The following NTMT1 variants were observed in gnomAD, a reference collection of about 807,000 sequenced individuals.
NTMT1 encodes the protein N-terminal RCC1 methyltransferase.
A neutral mutation model predicts 17.5 loss-of-function variants in NTMT1; 8 were observed. That is an observed-to-expected ratio of 0.46 (90% CI 0.27 to 0.82). NTMT1 has a LOEUF of 0.82. Among genes scored for constraint, NTMT1 ranks in the 40% least tolerant of loss-of-function variants. The pLI is 0.15. For synonymous variants in NTMT1, 128 were observed against 126.8 expected, an observed-to-expected ratio of 1.01 and a Z score of -0.06; for missense variants, 221 against 303.5, an observed-to-expected ratio of 0.73 and a Z score of 2.02.
intron 1 of NTMT1, among the ~76,000 whole-genome samples, chr9:129,618,783 C>G (rs574878683): frequency 6.6e-6 from 1 of 152,222 alleles, no homozygotes; most frequent in African/African-American, 2.4e-5. Flanking sequence ...AGCTCCGCCT[C>G]CCGGGTTCAC....
intron 1 of NTMT1, among the ~76,000 whole-genome samples, chr9:129,617,262 G>A (rs1830438331): frequency 6.6e-6 from 1 of 152,178 alleles, no homozygotes; most frequent in Non-Finnish European, 1.5e-5. Flanking sequence ...AGCCTCCAAA[G>A]AGCCAAGCAG....
chr9:129,632,830 A>G lies in NTMT1; in HGVS notation c.127A>G (p.Asn43Asp). ...TGGCCACATCTCCAGCATCGACATC[A>G]ACAGCTCCCGGAAGTTTCTGCAGAG... is the stretch of plus-strand genomic sequence containing the variant. ...GYGHISSIDI[N>D]SSRKFLQRFL... The change falls in exon 2 of 4, where the codon AAC becomes GAC. Residue 43 changes from asparagine to aspartate, a missense_variant. Physicochemically the swap from Asn to Asp is conservative, Grantham distance 23. Transcript: ENST00000372483. 3 of 1,614,178 alleles carry G rather than the reference A, an allele frequency of 1.9e-6. No homozygotes were observed. The highest frequency in any genetic ancestry group is 2.5e-6 in the Non-Finnish European group (3 of 1,180,020).
chr9:129,633,915 G>A (rs1238965495), intron 2 of NTMT1, 139 bp from the exon 3 acceptor site: 6 of 952,678 alleles, frequency 6.3e-6, no homozygotes, highest in South Asian at 3.6e-5. Context: ...CTGGCAGCCA[G>A]CACAGACCTC....
chr9:129,630,575 G>C (rs368737588), intron 1 of NTMT1, among the ~76,000 whole-genome samples: 120 of 152,336 alleles, frequency 7.9e-4, no homozygotes, highest in African/African-American at 2.8e-3. Context: ...CCCCTAGAGT[G>C]TTCCTGGGTC....
chr9:129,618,473 T>G (rs1430092177), intron 1 of NTMT1, among the ~76,000 whole-genome samples: 1 of 152,078 alleles, frequency 6.6e-6, no homozygotes, highest in African/African-American at 2.4e-5. Flanking sequence ...AGGGTCTGAA[T>G]AGAACTGAAC....
chr9:129,631,865 T>G (rs944753086), intron 1 of NTMT1, among the ~76,000 whole-genome samples: 1 of 152,238 alleles, frequency 6.6e-6, no homozygotes, highest in East Asian at 1.9e-4. Context: ...GCTTCTCCTC[T>G]GCAGCCCTCC....
chr9:129,611,435 CT>C (rs1427527305), intron 1 of NTMT1, among the ~76,000 whole-genome samples: 1 of 152,252 alleles, frequency 6.6e-6, no homozygotes, highest in Non-Finnish European at 1.5e-5. Context: ...CATCCACCCC[CT>C]CATCCCCAGA....
chr9:129,610,195 GGA>G (rs1269671420), intron 1 of NTMT1, among the ~76,000 whole-genome samples: 3 of 126,086 alleles, frequency 2.4e-5, no homozygotes, highest in African/African-American at 9.0e-5. Context: ...GGAGGGGGGA[GGA>G]GGGGGGGAGG....
intron 2 of NTMT1, chr9:129,633,343 G>A: frequency 3.8e-6 from 1 of 260,682 alleles, no homozygotes; most frequent in Non-Finnish European, 7.2e-6. Flanking sequence ...GCTGCTGTTG[G>A]CCACCTGCTC....
upstream of NTMT1, among the ~76,000 whole-genome samples, chr9:129,623,598 G>A (rs141104378): frequency 3.2e-4 from 48 of 152,240 alleles, no homozygotes; most frequent in African/African-American, 1.1e-3. Context: ...ATGAAGAAAC[G>A]ACTTTGTAAT....
At position 129,620,156 on chromosome 9, in the gene NTMT1, C is replaced by T; in HGVS notation, c.-55+10978C>T. 6.8e-7 allele frequency: 1 copy of T among 1,462,330 alleles called. No individual in the cohort carries two copies. Among genetic ancestry groups the T allele is most frequent in the Non-Finnish European group, 9.1e-7 (1 of 1,102,856 alleles). 90.6% of individuals were successfully genotyped at this position (1,462,330 alleles called of 1,614,324 possible). A position where few individuals can be genotyped will look rare whatever the true frequency, so the allele number is the denominator to read the frequency against. On this transcript the variant is annotated intron_variant, in intron 1 of 3. Coordinates refer to the NTMT1 transcript ENST00000372486. This position sits in a 1 kb window ranked among gnomAD's most constrained non-coding sequence, Gnocchi z 5.8. The stretch of plus-strand genomic sequence containing the variant: ...GGGGAGGAGCTCTCCTAGGAAGGCG[C>T]CCAAGAAGTCGGGGTCCTCCCTGGC...
upstream of NTMT1, among the ~76,000 whole-genome samples, chr9:129,623,655 T>G (rs567032577): frequency 6.6e-6 from 1 of 152,136 alleles, no homozygotes; most frequent in Non-Finnish European, 1.5e-5. Flanking sequence ...CAAAGATATA[T>G]TCTATTTTCT....
At chr9:129,633,702 T>G (rs563093118) in intron 2 of NTMT1, 5 of 198,224 alleles carry the variant, frequency 2.5e-5, no homozygotes, top group South Asian at 1.4e-4. Flanking sequence ...GGCGCATGCC[T>G]GTAGTCCCAG....
At position 129,620,317 on chromosome 9, in the gene NTMT1, C is replaced by A. The variant is rs111606531; in HGVS notation, c.-55+11139C>A. Reference sequence around the variant, plus strand: ...CCCGCTTCCGCACGGCCCGCCGGGTCGCGGTGAGCAAGGCGGGCAGGCGCG... The same window carrying A: ...CCCGCTTCCGCACGGCCCGCCGGGTAGCGGTGAGCAAGGCGGGCAGGCGCG... On this transcript the variant is annotated intron_variant, in intron 1 of 3. Coordinates refer to the NTMT1 transcript ENST00000372486. The surrounding 1 kb of genome is among the most constrained non-coding windows in gnomAD (Gnocchi z 5.8). 222,144 of 1,239,580 alleles carry A rather than the reference C, an allele frequency of 0.18. 21,605 individuals carry two copies. Among genetic ancestry groups the A allele is most frequent in the East Asian group, 0.3 (9,243 of 31,218 alleles). 76.8% of individuals were successfully genotyped at this position (1,239,580 alleles called of 1,614,324 possible).
chr9:129,634,485 A>G (rs1831397986), intron 3 of NTMT1, 179 bp downstream of exon 3: 3 of 545,116 alleles, frequency 5.5e-6, no homozygotes, highest in Non-Finnish European at 8.7e-6. Context: ...GGCTCGGCCT[A>G]AAAGGTAGAT....
At chr9:129,610,887 C>G (rs1295939610) in intron 1 of NTMT1, among the ~76,000 whole-genome samples, 1 of 152,142 alleles carries the variant, frequency 6.6e-6, no homozygotes, top group Non-Finnish European at 1.5e-5. Flanking sequence ...GAAAGGGAGA[C>G]AGAAGGGAGG....
Position 129,615,392 on chromosome 9 carries a change from G to A in NTMT1, c.-55+6214G>A, listed in dbSNP as rs1298185251. The A allele has an allele frequency of 2.2e-6, 3 of 1,342,850 alleles. No homozygotes were observed. The African/African-American group carries it at 4.5e-5, about 20-fold the overall frequency. The allele number at this position is 1,342,850 out of a possible 1,614,324, so 83.2% of individuals were successfully genotyped here. A position where few individuals can be genotyped will look rare whatever the true frequency, so the allele number is the denominator to read the frequency against. ...TGATCTCTTGGCCTTTGCAAAGCCAGTCCCTCACTCTAGGGGCCCGGAGCT... is the reference window on the plus strand; with the variant it reads ...TGATCTCTTGGCCTTTGCAAAGCCAATCCCTCACTCTAGGGGCCCGGAGCT... On this transcript the variant is annotated intron_variant, in intron 1 of 3. Coordinates refer to the NTMT1 transcript ENST00000372486.
At chr9:129,609,649 G>C (rs540023554) in intron 1 of NTMT1, among the ~76,000 whole-genome samples, 6 of 149,530 alleles carry the variant, frequency 4.0e-5, no homozygotes, top group Non-Finnish European at 5.9e-5. Flanking sequence ...TGGGGTCTCT[G>C]CCAAAGAGGG....
chr9:129,619,404 G>C, intron 1 of NTMT1: 1 of 762,096 alleles, frequency 1.3e-6, no homozygotes, highest in Admixed American at 2.3e-5. Context: ...TGTAAGGATG[G>C]ATGAATGGGT....
Sources: allele counts gnomAD v4.1 joint callset (sites outside exome capture counted in the v4.1 genomes callset), GRCh38; gene constraint gnomAD v4.1.1; non-coding constraint Gnocchi (gnomAD v3.1); transcripts MANE v1.5; gene names NCBI Gene and HGNC (gene_info 2026-07-23, HGNC 2026-07-21).